CFAP20DC: variants seen among roughly 807,000 people sequenced by gnomAD.
CFAP20DC encodes protein CFAP20DC.
Under a neutral mutation model 101.7 loss-of-function variants are expected in CFAP20DC, and 84 were observed. The ratio of observed to expected loss-of-function variants is 0.83; its 90% confidence interval spans 0.69 to 0.99. The LOEUF is 0.99. CFAP20DC is among the 50% of genes least tolerant of loss of function. The pLI is 0.00. For missense variants in CFAP20DC, 1,007 were observed against 970.3 expected (o/e 1.04, Z -0.50); for synonymous variants, 359 against 351.2 (o/e 1.02, Z -0.25).
At chr3:58,981,003 CAA>C (rs2092515846) in intron 4 of CFAP20DC, among the ~76,000 whole-genome samples, 1 of 152,142 alleles carries the variant, frequency 6.6e-6, no homozygotes, top group South Asian at 2.1e-4. Flanking sequence ...GCAACTTCAG[CAA>C]AGTCTCAGGA....
chr3:58,959,105 CT>C lies in CFAP20DC; in HGVS notation c.279-21344del, dbSNP rs1426143648. Among the ~76,000 whole-genome samples, 11 of 151,802 alleles carry C rather than the reference CT, an allele frequency of 7.2e-5. 1 individual carries two copies. In the South Asian group the frequency reaches 2.1e-3, roughly 29 times the overall value. On this transcript the variant is annotated intron_variant, in intron 4 of 16. Transcript: ENST00000482387. ...TTAACTCTAACATTTATTTTTTTCT[CT>C]TTTTTGAGATGGAGTTTCACTCTCG...
At chr3:58,948,844 G>C (rs2089707918) in intron 4 of CFAP20DC, among the ~76,000 whole-genome samples, 1 of 152,154 alleles carries the variant, frequency 6.6e-6, no homozygotes, top group East Asian at 1.9e-4. Context: ...CTATTGATTG[G>C]AATAGTTTCA....
At chr3:58,963,004 G>A (rs1026459407) in intron 4 of CFAP20DC, among the ~76,000 whole-genome samples, 1 of 151,900 alleles carries the variant, frequency 6.6e-6, no homozygotes, top group Admixed American at 6.6e-5. Flanking sequence ...ACATTGCTAA[G>A]GTTTCAACAC....
rs961908370 is a variant in CFAP20DC at position 58,861,952 on chromosome 3, G to C, written c.1593+1606C>G. ...AACGTTGAAGGATGTCAGAGGCAGA[G>C]TAGCTACAGCAAAAGAAAGCATTAA... On this transcript the variant is annotated intron_variant, in intron 12 of 16. Coordinates refer to ENST00000482387, the MANE Select transcript of CFAP20DC (RefSeq NM_001394063.1). The surrounding 1 kb of genome is among the most constrained non-coding windows in gnomAD (Gnocchi z 4.0). 2.3e-5 allele frequency: 23 copies of C among 984,796 alleles called. No individual in the cohort carries two copies. Among genetic ancestry groups the C allele is most frequent in the Middle Eastern group, 5.2e-4 (1 of 1,936 alleles). 61.0% of individuals were successfully genotyped at this position (984,796 alleles called of 1,614,324 possible). A position where few individuals can be genotyped will look rare whatever the true frequency, so the allele number is the denominator to read the frequency against.
chr3:58,752,608 G>A (rs1299728399), intron 16 of CFAP20DC, among the ~76,000 whole-genome samples: 2 of 152,172 alleles, frequency 1.3e-5, no homozygotes, highest in East Asian at 3.9e-4. Context: ...TCACAGCAAG[G>A]TCTCCTCCTG....
In CFAP20DC at chr3:58,732,342, T is replaced by G. The variant is rs1370675286; in HGVS notation, c.198-14714A>C. Reference sequence around the variant, plus strand: ...AATGCATTTTTAAAAACTACTGAGCTTTGCATAGAAACCTAAGTAGTACTT... The same window carrying G: ...AATGCATTTTTAAAAACTACTGAGCGTTGCATAGAAACCTAAGTAGTACTT... On this transcript the variant is annotated intron_variant, in intron 3 of 3. Transcript: ENST00000486145. The surrounding 1 kb of genome is among the most constrained non-coding windows in gnomAD (Gnocchi z 5.4). Among the ~76,000 whole-genome samples, 2 of 152,192 alleles carry G rather than the reference T, an allele frequency of 1.3e-5. No homozygotes were observed. Among genetic ancestry groups the G allele is most frequent in the Non-Finnish European group, 2.9e-5 (2 of 68,046 alleles).
intron 15 of CFAP20DC, among the ~76,000 whole-genome samples, chr3:58,805,565 A>G (rs1297225166): frequency 6.6e-6 from 1 of 152,248 alleles, no homozygotes; most frequent in Non-Finnish European, 1.5e-5. Context: ...CCTCCATAGG[A>G]CAGCCCACAG....
chr3:58,960,109 G>A (rs2091004108), intron 4 of CFAP20DC, among the ~76,000 whole-genome samples: 1 of 152,150 alleles, frequency 6.6e-6, no homozygotes. Flanking sequence ...AGGGTTATGA[G>A]CAGTGTTCTC....
At chr3:58,837,584 T>C (rs913430514) in intron 13 of CFAP20DC, among the ~76,000 whole-genome samples, 5 of 152,168 alleles carry the variant, frequency 3.3e-5, no homozygotes, top group Admixed American at 2.6e-4. Flanking sequence ...GCTTATAATA[T>C]GCACACTTCT....
chr3:58,739,262 G>A (rs1021037282), downstream of CFAP20DC, among the ~76,000 whole-genome samples: 6 of 152,078 alleles, frequency 3.9e-5, no homozygotes, highest in African/African-American at 1.4e-4. Flanking sequence ...CCACTAACCA[G>A]CCTCTGTAAT....
intron 15 of CFAP20DC, among the ~76,000 whole-genome samples, chr3:58,787,269 C>T (rs927367248): frequency 7.2e-6 from 1 of 139,622 alleles, no homozygotes; most frequent in East Asian, 2.1e-4. Flanking sequence ...TATTCTCACT[C>T]ATAGGTGGGA....
chr3:58,855,560 C>G (rs1314303125), intron 12 of CFAP20DC, among the ~76,000 whole-genome samples: 2 of 151,988 alleles, frequency 1.3e-5, no homozygotes, highest in African/African-American at 4.8e-5. Flanking sequence ...GCATTATTCA[C>G]AATAGCAAAG....
chr3:58,945,814 A>G (rs2089279605), intron 4 of CFAP20DC, among the ~76,000 whole-genome samples: 1 of 149,850 alleles, frequency 6.7e-6, no homozygotes, highest in African/African-American at 2.5e-5. Flanking sequence ...CTCCTGCCTC[A>G]GCCTCCCCAG....
At chr3:58,896,582 C>G (rs2082684506) in intron 6 of CFAP20DC, among the ~76,000 whole-genome samples, 1 of 152,140 alleles carries the variant, frequency 6.6e-6, no homozygotes, top group South Asian at 2.1e-4. Flanking sequence ...GCTACATTGT[C>G]TCTTTGTTCT....
chr3:58,816,375 G>C (rs1281285771), intron 14 of CFAP20DC, among the ~76,000 whole-genome samples: 1 of 152,178 alleles, frequency 6.6e-6, no homozygotes, highest in Non-Finnish European at 1.5e-5. Flanking sequence ...TTCCATCTGA[G>C]GTACCGGGTT....
intron 16 of CFAP20DC, 96 bp downstream of exon 16, chr3:58,753,673 T>G: frequency 9.5e-6 from 8 of 839,424 alleles, no homozygotes; most frequent in Non-Finnish European, 1.6e-5. Flanking sequence ...GTGATCAACA[T>G]TTAATAAAAA....
In CFAP20DC at chr3:58,894,424, T is replaced by C. The variant is rs766950433; in HGVS notation, c.551-9715A>G. On this transcript the variant is annotated intron_variant, in intron 6 of 16. Transcript: ENST00000482387. The surrounding 1 kb of genome is among the most constrained non-coding windows in gnomAD (Gnocchi z 4.1). The stretch of plus-strand genomic sequence containing the variant: ...AAAAACAAAGAAGCTACAGGCCCCA[T>C]GCAAGTCCAAAATCCAGCAGGGCAG... 6.6e-6 allele frequency among the ~76,000 whole-genome samples: 1 copy of C among 152,166 alleles called. No individual in the cohort carries two copies. The highest frequency in any genetic ancestry group is 1.5e-5 in the Non-Finnish European group (1 of 68,030).
intron 16 of CFAP20DC, among the ~76,000 whole-genome samples, chr3:58,750,326 T>C (rs1409270523): frequency 6.6e-6 from 1 of 152,144 alleles, no homozygotes; most frequent in African/African-American, 2.4e-5. Context: ...GGCTTCTCCA[T>C]CTCTGATAGA....
Position 58,827,322 on chromosome 3 carries a change from A to G in CFAP20DC, c.2175+4364T>C, listed in dbSNP as rs1051601159. 6.0e-5 allele frequency among the ~76,000 whole-genome samples: 9 copies of G among 150,550 alleles called. No homozygotes were observed. In the Admixed American group the frequency reaches 6.0e-4, roughly 10 times the overall value. ...GAGAAGGAGCTGCCAGACAGAGAAG[A>G]GATGAGCATGGCCTGATCTGAACAC... is the stretch of plus-strand genomic sequence containing the variant. On this transcript the variant is annotated intron_variant, in intron 14 of 16. Transcript: ENST00000482387.
Sources: allele counts gnomAD v4.1 joint callset (sites outside exome capture counted in the v4.1 genomes callset), GRCh38; gene constraint gnomAD v4.1.1; non-coding constraint Gnocchi (gnomAD v3.1); transcripts MANE v1.5; gene names NCBI Gene and HGNC (gene_info 2026-07-23, HGNC 2026-07-21).